Variants in CFAP97 observed in about 807,000 individuals in gnomAD.
The protein encoded by CFAP97 is cilia and flagella associated protein 97, also known as cilia- and flagella-associated protein 97.
Under a neutral mutation model 43.1 loss-of-function variants are expected in CFAP97, and 36 were observed. The observed-to-expected ratio is 0.84, with a 90% CI of 0.64 to 1.10. The LOEUF (loss-of-function observed/expected upper bound fraction) is 1.10. Ranked by LOEUF, CFAP97 falls within the 50% of genes least tolerant of loss-of-function variation. The pLI is 0.00. For missense variants in CFAP97, 657 were observed against 620.3 expected (o/e 1.06, Z -0.63); for synonymous variants, 228 against 225.7 (o/e 1.01, Z -0.09).
intron 1 of CFAP97, among the ~76,000 whole-genome samples, chr4:185,198,706 T>C (rs542749863): frequency 2.1e-4 from 32 of 149,752 alleles, no homozygotes; most frequent in African/African-American, 5.6e-4. Flanking sequence ...GGAGAATCAC[T>C]TGAAGCCAGG....
intron 1 of CFAP97, among the ~76,000 whole-genome samples, chr4:185,197,773 C>A (rs2111415339): frequency 6.6e-6 from 1 of 152,164 alleles, no homozygotes; most frequent in East Asian, 1.9e-4. Context: ...AACTCCCATC[C>A]CTTAGAAAAT....
At chr4:185,164,263 C>G in intron 3 of CFAP97, 84 bp from the exon 4 acceptor site, 2 of 1,266,354 alleles carry the variant, frequency 1.6e-6, no homozygotes, top group Non-Finnish European at 2.2e-6. Flanking sequence ...GCCTGACATT[C>G]ACTTTCTTTC....
At position 185,187,442 on chromosome 4, in the gene CFAP97, T is replaced by C. The variant is rs146228886; in HGVS notation, c.1054+2701A>G. Among the ~76,000 whole-genome samples, 173 of 151,950 alleles carry C rather than the reference T, an allele frequency of 1.1e-3. 1 individual carries two copies. The highest frequency in any genetic ancestry group is 4.0e-3 in the African/African-American group (165 of 41,476). On this transcript the variant is annotated intron_variant, in intron 2 of 4. Transcript: ENST00000458385. ...TTTCAGAGTCTAGTAAGTATCCCGA[T>C]GGAGAGAAACAAGCTTTTGCGACAC...
At chr4:185,176,919 C>A (rs540276177) in intron 2 of CFAP97, among the ~76,000 whole-genome samples, 12 of 152,246 alleles carry the variant, frequency 7.9e-5, no homozygotes, top group Non-Finnish European at 1.5e-4. Flanking sequence ...CTGTAAAAGT[C>A]AAACATTTTA....
intron 2 of CFAP97, among the ~76,000 whole-genome samples, chr4:185,185,788 C>T (rs1236869957): frequency 6.6e-6 from 1 of 152,000 alleles, no homozygotes; most frequent in Admixed American, 6.6e-5. Flanking sequence ...CAGTAGCACA[C>T]ACCACCATGC....
intron 1 of CFAP97, among the ~76,000 whole-genome samples, chr4:185,201,434 ATT>A (rs1579272875): frequency 6.6e-6 from 1 of 152,216 alleles, no homozygotes; most frequent in Admixed American, 6.5e-5. Flanking sequence ...AAAGTTAATC[ATT>A]GTCTTATTTT....
intron 2 of CFAP97, among the ~76,000 whole-genome samples, chr4:185,180,627 T>A (rs11736380): frequency 0.4 from 61,457 of 152,028 alleles, 14,581 homozygotes; most frequent in East Asian, 0.57. Context: ...GTATTTTTTT[T>A]AATATGCTCT....
chr4:185,182,707 C>T (rs1735849989), intron 2 of CFAP97, among the ~76,000 whole-genome samples: 1 of 152,198 alleles, frequency 6.6e-6, no homozygotes, highest in African/African-American at 2.4e-5. Flanking sequence ...AACACTGTCT[C>T]GTCATTCCAT....
At chr4:185,175,518 T>C (rs1283556498) in intron 3 of CFAP97, among the ~76,000 whole-genome samples, 1 of 152,158 alleles carries the variant, frequency 6.6e-6, no homozygotes, top group Non-Finnish European at 1.5e-5. Context: ...TCAAGCGATC[T>C]GCCCACCTCG....
intron 1 of CFAP97, among the ~76,000 whole-genome samples, chr4:185,194,055 G>C (rs1736427757): frequency 2.0e-5 from 3 of 152,140 alleles, no homozygotes; most frequent in Admixed American, 1.3e-4. Flanking sequence ...TGTAAATAAA[G>C]TTTTATTGGA....
At position 185,175,828 on chromosome 4, in the gene CFAP97, G is replaced by A; in HGVS notation, c.1278C>T (p.Leu426=). The A allele has an allele frequency of 6.2e-7, 1 of 1,613,890 alleles. No homozygotes were observed. The highest frequency in any genetic ancestry group is 1.3e-5 in the African/African-American group (1 of 75,018). ...DHPPKLYHSA[L]NRQKEQQRIE... ...TCCTTTGTTGTTCCTTCTGTCTGTT[G>A]AGAGCACTGTGATATAACTTTGGGG... The change falls in exon 3 of 5, where the codon CTC becomes CTT. Residue 426 remains leucine, a synonymous_variant. Transcript: ENST00000458385.
At chr4:185,198,300 A>G (rs527568545) in intron 1 of CFAP97, among the ~76,000 whole-genome samples, 105 of 151,766 alleles carry the variant, frequency 6.9e-4, no homozygotes, top group African/African-American at 2.5e-3. Flanking sequence ...AAAACCAGCC[A>G]GGTGTGGTGG....
Position 185,190,376 on chromosome 4 carries a change from G to C in CFAP97, c.821C>G (p.Ala274Gly). 1 of 1,610,058 alleles carries C rather than the reference G, an allele frequency of 6.2e-7. No homozygotes were observed. Among genetic ancestry groups the C allele is most frequent in the Non-Finnish European group, 8.5e-7 (1 of 1,177,718 alleles). ...TTTAATTTTCACTTTTTGATCATTTGCTATGCCCAGTTCAAAAGACTGAAG... is the reference window on the plus strand; with the variant it reads ...TTTAATTTTCACTTTTTGATCATTTCCTATGCCCAGTTCAAAAGACTGAAG... ...SPLQSFELGIANDQKVKIKKQ... is the reference protein window; with the variant it reads ...SPLQSFELGIGNDQKVKIKKQ... Residue 274 changes from alanine (A) to glycine (G), a missense_variant, in exon 2 of 5, where the codon GCA becomes GGA. Coordinates refer to ENST00000458385, the MANE Select transcript of CFAP97 (RefSeq NM_020827.3).
At chr4:185,192,803 C>G (rs1445510663) in intron 1 of CFAP97, among the ~76,000 whole-genome samples, 2 of 128,122 alleles carry the variant, frequency 1.6e-5, no homozygotes, top group Non-Finnish European at 3.1e-5. Context: ...TGCAGTGGTG[C>G]AATCTCGGCT....
At chr4:185,164,313 G>T in intron 3 of CFAP97, 134 bp from the exon 4 acceptor site, 1 of 910,810 alleles carries the variant, frequency 1.1e-6, no homozygotes, top group Non-Finnish European at 1.6e-6. Flanking sequence ...CTGTCACTCA[G>T]GCTGGCCTGG....
chr4:185,201,325 C>CAAAA (rs61563241), intron 1 of CFAP97, among the ~76,000 whole-genome samples: 1 of 128,156 alleles, frequency 7.8e-6, no homozygotes. Flanking sequence ...GACTCCGCCT[C>CAAAA]AAAAAAAAAA....
chr4:185,190,633 A>T lies in CFAP97; in HGVS notation c.564T>A (p.Cys188Ter). 6.3e-7 allele frequency: 1 copy of T among 1,594,548 alleles called. No homozygotes were observed. Among genetic ancestry groups the T allele is most frequent in the Non-Finnish European group, 8.5e-7 (1 of 1,169,744 alleles). ...GATGGCTATCAGACCCTGCATCTAA[A>T]CAATCTGTACCTGAACCTGAAGATG... ...SSSSSGSGTDCLDAGSDSHLS... is the reference protein window; with the variant it reads ...SSSSSGSGTD Residue 188 changes from cysteine (C) to a stop codon, truncating the protein, a stop_gained, in exon 2 of 5, where the codon TGT (cysteine) becomes TGA (stop). Transcript: ENST00000458385. LOFTEE classifies it high-confidence loss of function.
intron 2 of CFAP97, among the ~76,000 whole-genome samples, chr4:185,189,238 A>G (rs2111383960): frequency 6.6e-6 from 1 of 152,308 alleles, no homozygotes; most frequent in Admixed American, 6.5e-5. Flanking sequence ...CCTTATCTCA[A>G]AAACAAAAAA....
At chr4:185,176,545 C>T (rs959033427) in intron 2 of CFAP97, among the ~76,000 whole-genome samples, 11 of 152,108 alleles carry the variant, frequency 7.2e-5, no homozygotes, top group African/African-American at 2.4e-4. Context: ...TTATGCTCAC[C>T]GGGTTCCTTG....
Sources: gnomAD v4.1 joint callset for allele counts (sites outside exome capture counted in the v4.1 genomes callset) on GRCh38, gnomAD v4.1.1 for gene constraint, MANE v1.5 for transcripts, NCBI Gene and HGNC (gene_info 2026-07-23, HGNC 2026-07-21) for gene names.